The following AFF2 variants were observed in gnomAD, a reference collection of about 807,000 sequenced individuals.
AFF2 encodes the protein AF4/FMR2 family member 2.
AFF2 carries 14 observed loss-of-function variants against 76.9 expected under a neutral mutation model. The ratio of observed to expected loss-of-function variants is 0.18; its 90% CI spans 0.12 to 0.28. The LOEUF (loss-of-function observed/expected upper bound fraction) is 0.28, where lower values mean the gene tolerates loss of function less well. Among genes scored for constraint, AFF2 ranks in the 10% least tolerant of loss-of-function variants. AFF2 has a pLI of 1.00. For missense variants in AFF2, 868 were observed against 1,001.1 expected (o/e 0.87, Z 1.79); for synonymous variants, 398 against 366.7 (o/e 1.09, Z -0.98).
chrX:148,811,378 T>A (rs1173971901), intron 4 of AFF2, among the ~76,000 whole-genome samples: 3 of 111,224 alleles, frequency 2.7e-5, no homozygotes, highest in African/African-American at 9.8e-5. Context: ...CAGCAACCCC[T>A]CAGTCATCTG....
chrX:148,572,799 T>C (rs1241915366), intron 1 of AFF2, among the ~76,000 whole-genome samples: 1 of 111,485 alleles, frequency 9.0e-6, no homozygotes, highest in East Asian at 2.8e-4. Context: ...GGTTTATTTT[T>C]GAAGTAATAA....
At chrX:148,571,504 A>G (rs1309850598) in intron 1 of AFF2, among the ~76,000 whole-genome samples, 1 of 111,554 alleles carries the variant, frequency 9.0e-6, no homozygotes, top group Non-Finnish European at 1.9e-5. Flanking sequence ...CAGTGGGAAA[A>G]CAGATGGAAA....
chrX:148,927,428 C>A (rs1442208810), intron 9 of AFF2, among the ~76,000 whole-genome samples: 1 of 111,145 alleles, frequency 9.0e-6, no homozygotes, highest in Admixed American at 9.6e-5. Context: ...TGCTGCATGT[C>A]TGCCTCGCCT....
At chrX:148,807,123 A>C (rs781798460) in intron 3 of AFF2, among the ~76,000 whole-genome samples, 1 of 112,275 alleles carries the variant, frequency 8.9e-6, no homozygotes, top group African/African-American at 3.2e-5. Flanking sequence ...TCCAATAGTC[A>C]GTCATTATTA....
intron 1 of AFF2, among the ~76,000 whole-genome samples, chrX:148,612,648 T>G (rs2053745980): frequency 8.9e-6 from 1 of 112,271 alleles, no homozygotes; most frequent in South Asian, 3.6e-4. Context: ...AGCTGGTTAT[T>G]GTCCTTGTGG....
At chrX:148,855,727 G>T (rs782236979) in intron 7 of AFF2, among the ~76,000 whole-genome samples, 1 of 111,471 alleles carries the variant, frequency 9.0e-6, no homozygotes, top group African/African-American at 3.3e-5. Context: ...GGAATGGCTG[G>T]GTTCAAATCC....
intron 3 of AFF2, among the ~76,000 whole-genome samples, chrX:148,677,468 C>G (rs1292064145): frequency 8.9e-6 from 1 of 111,831 alleles, no homozygotes; most frequent in Non-Finnish European, 1.9e-5. Context: ...AATGTCTTAC[C>G]TCAGAGAGGT....
intron 3 of AFF2, among the ~76,000 whole-genome samples, chrX:148,677,183 T>C (rs1364264694): frequency 9.0e-6 from 1 of 110,849 alleles, no homozygotes. Context: ...AAAATGATGC[T>C]GAGATTTCTA....
chrX:148,508,332 G>A (rs2052446570), intron 1 of AFF2, among the ~76,000 whole-genome samples: 2 of 112,073 alleles, frequency 1.8e-5, no homozygotes, highest in East Asian at 2.8e-4. Context: ...TGTAGGCAAC[G>A]TATCTCCTGG....
At position 148,938,890 on chromosome X, in the gene AFF2, T is replaced by C. The variant is rs138826817; in HGVS notation, c.1398-14690T>C. 2.5e-3 allele frequency among the ~76,000 whole-genome samples: 279 copies of C among 111,810 alleles called. 2 individuals are homozygous for C. Among genetic ancestry groups the C allele is most frequent in the African/African-American group, 8.6e-3 (266 of 30,887 alleles). On this transcript the variant is annotated intron_variant, in intron 9 of 20. Transcript: ENST00000370460. ...GGTATGCAAGATATTTAGAGGGGAT[T>C]TGGAGAAAAAAAATCTTCTCCCTTT...
rs2069619490 is a variant in AFF2 at position 148,773,672 on chromosome X, A to G, written c.1042-36204A>G. On this transcript the variant is annotated intron_variant, in intron 3 of 20. Transcript: ENST00000370460. Reference sequence around the variant, plus strand: ...GAGGGAGGAAGGAAGGAAGGAAAGAAGGAAGGAAGGAAGGAAAGAAAGAAA... The same window carrying G: ...GAGGGAGGAAGGAAGGAAGGAAAGAGGGAAGGAAGGAAGGAAAGAAAGAAA... Among the ~76,000 whole-genome samples the G allele has an allele frequency of 5.1e-5, 4 of 78,317 alleles. No individual in the cohort carries two copies. In the Admixed American group the frequency reaches 5.8e-4, roughly 11 times the overall value. The allele number at this position is 78,317 out of a possible 115,157, so 68.0% of individuals were successfully genotyped here.
At chrX:148,502,937 C>A (rs2052368753) in intron 1 of AFF2, among the ~76,000 whole-genome samples, 1 of 112,416 alleles carries the variant, frequency 8.9e-6, no homozygotes, top group African/African-American at 3.2e-5. Flanking sequence ...ATGATAGGCT[C>A]CCTCACCCCT....
intron 1 of AFF2, among the ~76,000 whole-genome samples, chrX:148,634,397 C>T (rs1025802969): frequency 2.7e-5 from 3 of 111,464 alleles, no homozygotes; most frequent in Admixed American, 9.6e-5. Context: ...CCAAGTAAAA[C>T]GTAAGAGGGC....
intron 3 of AFF2, among the ~76,000 whole-genome samples, chrX:148,668,370 C>G (rs1557258714): frequency 8.9e-6 from 1 of 112,640 alleles, no homozygotes; most frequent in East Asian, 2.8e-4. Flanking sequence ...TGGTGGCCTT[C>G]TTCTCACAGC....
At chrX:148,584,570 T>TTC (rs2053446978) in intron 1 of AFF2, among the ~76,000 whole-genome samples, 1 of 108,075 alleles carries the variant, frequency 9.3e-6, no homozygotes, top group Admixed American at 9.9e-5. Flanking sequence ...TTTTTTTTTT[T>TTC]TTTGAGACGG....
At chrX:148,661,704 G>T (rs181179040) in intron 2 of AFF2, among the ~76,000 whole-genome samples, 2 of 111,575 alleles carry the variant, frequency 1.8e-5, no homozygotes, top group African/African-American at 6.5e-5. Context: ...AATCATACCC[G>T]CTCATTCCAG....
Position 148,576,215 on chromosome X carries a change from T to A in AFF2, c.47+75071T>A, listed in dbSNP as rs934803218. On this transcript the variant is annotated intron_variant, in intron 1 of 20. Coordinates refer to ENST00000370460, the MANE Select transcript of AFF2 (RefSeq NM_002025.4). Reference sequence around the variant, plus strand: ...GCAGTTTGTCTTAATAACTGGATTATCTGATTTCCTACAAGTTCTGCAATG... The same window carrying A: ...GCAGTTTGTCTTAATAACTGGATTAACTGATTTCCTACAAGTTCTGCAATG... 6.3e-5 allele frequency among the ~76,000 whole-genome samples: 7 copies of A among 111,997 alleles called. No individual in the cohort carries two copies. The East Asian group carries it at 2.0e-3, about 32-fold the overall frequency.
intron 1 of AFF2, among the ~76,000 whole-genome samples, chrX:148,528,756 T>G: frequency 8.9e-6 from 1 of 111,979 alleles, no homozygotes; most frequent in East Asian, 2.8e-4. Flanking sequence ...CTCAACTCAC[T>G]TAAACCAATG....
rs782802963 is a variant in AFF2 at position 148,602,964 on chromosome X, AT to A, written c.48-49027del. ...ACAACTTTGGAAATTCATGTAAGTT[AT>A]TTTTTTTAATTACATAACTGATGGG... On this transcript the variant is annotated intron_variant, in intron 1 of 20. Coordinates refer to ENST00000370460, the MANE Select transcript of AFF2 (RefSeq NM_002025.4). Among the ~76,000 whole-genome samples, 334 of 110,560 alleles carry A rather than the reference AT, an allele frequency of 3.0e-3. 1 individual carries two copies. Among genetic ancestry groups the A allele is most frequent in the African/African-American group, 1.0e-2 (304 of 30,463 alleles).
Sources: allele counts gnomAD v4.1 joint callset (sites outside exome capture counted in the v4.1 genomes callset), GRCh38; gene constraint gnomAD v4.1.1; transcripts MANE v1.5; gene names NCBI Gene and HGNC (gene_info 2026-07-23, HGNC 2026-07-21).